NALCN: variants seen among roughly 807,000 people sequenced by gnomAD.
The protein encoded by NALCN is sodium leak channel NALCN.
NALCN carries 111 observed loss-of-function variants against 225.3 expected under a neutral mutation model. The observed-to-expected ratio is 0.49, with a 90% confidence interval of 0.42 to 0.58. The LOEUF is 0.58. NALCN is among the 20% of genes least tolerant of loss of function. The pLI, the probability that NALCN is intolerant of heterozygous loss-of-function variation, is 0.00. For synonymous variants in NALCN, 764 were observed against 769.0 expected, an observed-to-expected ratio of 0.99 and a Z score of 0.11; for missense variants, 1,378 against 2,202.4, an observed-to-expected ratio of 0.63 and a Z score of 7.49.
chr13:101,116,486 G>T (rs766516018), intron 18 of NALCN: 2 of 516,636 alleles, frequency 3.9e-6, no homozygotes, highest in East Asian at 1.1e-4. Flanking sequence ...AACACCACTA[G>T]TTGTTTATAG....
chr13:101,065,990 A>G lies in NALCN; in HGVS notation c.4447-429T>C, dbSNP rs554200663. 2.6e-5 allele frequency among the ~76,000 whole-genome samples: 4 copies of G among 152,286 alleles called. No homozygotes were observed. In the East Asian group the frequency reaches 5.8e-4, roughly 22 times the overall value. ...CACGTGTAATCCTCCTCTTCACTCA[A>G]TCGGGATGCTAGGAACGTCTCAATG... is the stretch of plus-strand genomic sequence containing the variant. On this transcript the variant is annotated intron_variant, in intron 39 of 43. Transcript: ENST00000251127.
At chr13:101,207,279 C>A (rs1194646763) in intron 13 of NALCN, among the ~76,000 whole-genome samples, 2 of 152,154 alleles carry the variant, frequency 1.3e-5, no homozygotes, top group East Asian at 1.9e-4. Context: ...ATAACAAAAA[C>A]CAAATATAGC....
Position 101,144,437 on chromosome 13 carries a change from C to G in NALCN, c.1976+323G>C, listed in dbSNP as rs182267144. 2.4e-3 allele frequency among the ~76,000 whole-genome samples: 368 copies of G among 152,322 alleles called. 1 individual carries two copies. Among genetic ancestry groups the G allele is most frequent in the African/African-American group, 8.3e-3 (347 of 41,574 alleles). ...TCTGAGATTGATGTCTACCTGCCAT[C>G]CCTGCAACACTGAGCAGCTTCTCCA... On this transcript the variant is annotated intron_variant, in intron 16 of 43. Coordinates refer to ENST00000251127, the MANE Select transcript of NALCN (RefSeq NM_052867.4).
chr13:101,332,991 T>C (rs909028174), intron 7 of NALCN, among the ~76,000 whole-genome samples: 1 of 152,256 alleles, frequency 6.6e-6, no homozygotes, highest in Admixed American at 6.5e-5. Context: ...TGTTTTATTT[T>C]AATATCTCTG....
intron 13 of NALCN, among the ~76,000 whole-genome samples, chr13:101,220,423 A>AT (rs1305519515): frequency 1.3e-5 from 2 of 152,186 alleles, no homozygotes; most frequent in African/African-American, 2.4e-5. Flanking sequence ...AGTAAGACCA[A>AT]TTGGTGATGC....
chr13:101,373,417 T>C (rs1039142147), intron 6 of NALCN, among the ~76,000 whole-genome samples: 1 of 152,198 alleles, frequency 6.6e-6, no homozygotes, highest in African/African-American at 2.4e-5. Flanking sequence ...ACAAAAACAT[T>C]AGCAAATCAA....
In NALCN at chr13:101,365,592, T is replaced by C. The variant is rs118139085; in HGVS notation, c.644+11108A>G. 1.6e-3 allele frequency among the ~76,000 whole-genome samples: 244 copies of C among 152,296 alleles called. 6 individuals carry two copies. The East Asian group carries it at 0.045, about 28-fold the overall frequency. ...CAAACTGCAAAAAAATCCAACTTTA[T>C]ATTATCTCTAATTCAACTCTTGGTG... On this transcript the variant is annotated intron_variant, in intron 6 of 43. Transcript: ENST00000251127.
intron 12 of NALCN, among the ~76,000 whole-genome samples, chr13:101,232,474 C>G (rs1374524284): frequency 2.1e-5 from 3 of 145,208 alleles, no homozygotes; most frequent in Non-Finnish European, 3.0e-5. Context: ...GTGACGGAGT[C>G]TCACTCTGTC....
At chr13:101,291,947 G>C in intron 9 of NALCN, 43 bp downstream of exon 9, 1 of 1,584,464 alleles carries the variant, frequency 6.3e-7, no homozygotes, top group African/African-American at 1.3e-5. Flanking sequence ...TGAGACATGT[G>C]CATGCTCGAA....
intron 21 of NALCN, 30 bp from the exon 22 acceptor site, chr13:101,107,639 G>A (rs1410629632): frequency 6.2e-7 from 1 of 1,613,972 alleles, no homozygotes; most frequent in African/African-American, 1.3e-5. Flanking sequence ...GGAGAATGAG[G>A]CTAAGGGAAA....
chr13:101,304,849 G>A (rs941297874), intron 7 of NALCN, among the ~76,000 whole-genome samples: 3 of 145,928 alleles, frequency 2.1e-5, no homozygotes, highest in East Asian at 2.1e-4. Context: ...TCCGCCTCCC[G>A]TGTTAAAGTG....
chr13:101,202,640 G>C (rs2040166553), intron 13 of NALCN, among the ~76,000 whole-genome samples: 1 of 152,102 alleles, frequency 6.6e-6, no homozygotes, highest in Admixed American at 6.6e-5. Context: ...CAGCTGCCCT[G>C]TGGAGAGAGC....
intron 26 of NALCN, among the ~76,000 whole-genome samples, chr13:101,102,753 G>T (rs1420921378): frequency 6.6e-6 from 1 of 152,174 alleles, no homozygotes; most frequent in Non-Finnish European, 1.5e-5. Context: ...GACAAATTCT[G>T]TGCTATATTA....
In NALCN at chr13:101,258,526, T is replaced by C. The variant is rs1164164475; in HGVS notation, c.1183A>G (p.Thr395Ala). Residue 395 changes from threonine (T) to alanine (A), a missense_variant, in exon 11 of 44, where the codon ACC (threonine) becomes GCC (alanine). Physicochemically the swap from Thr to Ala is moderately conservative, Grantham distance 58. Transcript: ENST00000251127. ...VFHMFILSMV[T>A]VDVIVAASNY... is the part of the protein sequence containing the mutation. ...CTAGCCGCCACGATCACGTCCACGGTCACCATGCTCAGGATGAACATGTGG... is the reference window on the plus strand; with the variant it reads ...CTAGCCGCCACGATCACGTCCACGGCCACCATGCTCAGGATGAACATGTGG... 16 of 1,614,224 alleles carry C rather than the reference T, an allele frequency of 9.9e-6. No homozygotes were observed. Among genetic ancestry groups the C allele is most frequent in the Non-Finnish European group, 1.4e-5 (16 of 1,180,040 alleles).
At chr13:101,297,799 T>C (rs192411438) in intron 7 of NALCN, among the ~76,000 whole-genome samples, 13 of 152,350 alleles carry the variant, frequency 8.5e-5, no homozygotes, top group Admixed American at 7.8e-4. Context: ...ATTTACTGTC[T>C]GGGAATAGAC....
rs558078774 is a variant in NALCN at position 101,400,778 on chromosome 13, C to G, written c.-39-1613G>C. Reference sequence around the variant, plus strand: ...GGGTTGGCTGTGTCCTCCCACCCCCCAAAATTTCATCTTGAATTATAATCC... The same window carrying G: ...GGGTTGGCTGTGTCCTCCCACCCCCGAAAATTTCATCTTGAATTATAATCC... On this transcript the variant is annotated intron_variant, in intron 1 of 43. Coordinates refer to ENST00000251127, the MANE Select transcript of NALCN (RefSeq NM_052867.4). Among the ~76,000 whole-genome samples the G allele has an allele frequency of 2.8e-4, 43 of 152,198 alleles. No homozygotes were observed. The South Asian group carries it at 8.3e-3, about 29-fold the overall frequency.
chr13:101,417,111 G>A (rs191536042), upstream of NALCN, among the ~76,000 whole-genome samples: 43 of 152,290 alleles, frequency 2.8e-4, no homozygotes, highest in Non-Finnish European at 5.3e-4. Context: ...TACCCTGTGA[G>A]TATACCTGGA....
chr13:101,135,815 G>GA (rs2139752632), intron 17 of NALCN, among the ~76,000 whole-genome samples: 1 of 152,324 alleles, frequency 6.6e-6, no homozygotes, highest in African/African-American at 2.4e-5. Context: ...ACTGTAGTCA[G>GA]AAGAGGAAAA....
intron 17 of NALCN, among the ~76,000 whole-genome samples, chr13:101,125,598 A>G (rs1231221125): frequency 6.6e-6 from 1 of 152,178 alleles, no homozygotes; most frequent in Non-Finnish European, 1.5e-5. Flanking sequence ...GGTAGGACAC[A>G]TGAGATCATC....
Sources: allele counts gnomAD v4.1 joint callset (sites outside exome capture counted in the v4.1 genomes callset), GRCh38; gene constraint gnomAD v4.1.1; transcripts MANE v1.5; gene names NCBI Gene and HGNC (gene_info 2026-07-23, HGNC 2026-07-21).